Variants in PACRG observed in about 807,000 individuals in gnomAD.
PACRG encodes the protein parkin coregulated gene protein.
A neutral mutation model predicts 29.7 loss-of-function variants in PACRG; 29 were observed. The ratio of observed to expected loss-of-function variants is 0.98; its 90% CI spans 0.73 to 1.33. The LOEUF (loss-of-function observed/expected upper bound fraction) is 1.33, where lower values mean the gene tolerates loss of function less well. PACRG is among the 40% of genes most tolerant of loss of function. PACRG has a pLI of 0.00. For missense variants in PACRG, 279 were observed against 316.2 expected, an observed-to-expected ratio of 0.88 and a Z score of 0.89; for synonymous variants, 116 against 118.7, an observed-to-expected ratio of 0.98 and a Z score of 0.15.
At chr6:162,939,523 A>C (rs1289980643) in intron 2 of PACRG, among the ~76,000 whole-genome samples, 2 of 152,126 alleles carry the variant, frequency 1.3e-5, no homozygotes, top group African/African-American at 2.4e-5. Context: ...ACAGGTAATG[A>C]GGCTTTCTTC....
chr6:162,800,048 T>C (rs1464139360), intron 1 of PACRG, among the ~76,000 whole-genome samples: 2 of 152,202 alleles, frequency 1.3e-5, no homozygotes, highest in African/African-American at 4.8e-5. Flanking sequence ...GCTGTCTCAG[T>C]CATTCAGGCC....
chr6:163,283,664 G>A (rs975962562), intron 4 of PACRG, among the ~76,000 whole-genome samples: 19 of 151,856 alleles, frequency 1.3e-4, no homozygotes, highest in South Asian at 2.1e-4. Flanking sequence ...AGCCGGGCGC[G>A]GTGGCGGGCG....
chr6:163,301,185 A>C (rs1026327152), intron 4 of PACRG, among the ~76,000 whole-genome samples: 1 of 152,242 alleles, frequency 6.6e-6, no homozygotes, highest in Non-Finnish European at 1.5e-5. Context: ...CCAGCAGTCT[A>C]GGGAATGGGC....
Position 163,239,689 on chromosome 6 carries a change from C to T in PACRG, c.614-75138C>T, listed in dbSNP as rs572434989. On this transcript the variant is annotated intron_variant, in intron 4 of 4. Coordinates refer to ENST00000366888, the MANE Select transcript of PACRG (RefSeq NM_001080379.2). ...CACACCCCCCACCCCTACACACACACGCACACTCCCACATACACACACACG... is the reference window on the plus strand; with the variant it reads ...CACACCCCCCACCCCTACACACACATGCACACTCCCACATACACACACACG... Among the ~76,000 whole-genome samples the T allele has an allele frequency of 8.1e-4, 116 of 143,508 alleles. 1 individual carries two copies. The highest frequency in any genetic ancestry group is 1.5e-3 in the Non-Finnish European group (101 of 65,320). 94.1% of individuals were successfully genotyped at this position (143,508 alleles called of 152,430 possible).
intron 2 of PACRG, among the ~76,000 whole-genome samples, chr6:163,041,159 A>C (rs2128237080): frequency 6.6e-6 from 1 of 152,148 alleles, no homozygotes; most frequent in South Asian, 2.1e-4. Context: ...AACATGGTGA[A>C]ACCCCGTCTC....
chr6:162,958,435 CA>C (rs1204481269), intron 2 of PACRG, among the ~76,000 whole-genome samples: 4 of 152,028 alleles, frequency 2.6e-5, no homozygotes, highest in Non-Finnish European at 5.9e-5. Flanking sequence ...CCAAGCATAC[CA>C]GACATATTTT....
chr6:162,920,310 A>G (rs935290612), intron 2 of PACRG, among the ~76,000 whole-genome samples: 3 of 152,192 alleles, frequency 2.0e-5, no homozygotes, highest in Admixed American at 6.5e-5. Flanking sequence ...CTGACAAAAG[A>G]AACAATAGGA....
intron 2 of PACRG, among the ~76,000 whole-genome samples, chr6:163,006,195 A>ATATATATATATCCCATATATATATATATG (rs1805091480): frequency 8.2e-6 from 1 of 121,992 alleles, no homozygotes; most frequent in Non-Finnish European, 1.7e-5. Flanking sequence ...AAACCCATAT[A>ATATATATATATCCCATATATATATATATG]TATATATATA....
intron 4 of PACRG, among the ~76,000 whole-genome samples, chr6:163,199,608 C>G (rs185537119): frequency 2.0e-4 from 30 of 152,290 alleles, no homozygotes; most frequent in Admixed American, 1.4e-3. Context: ...CCCTTAACTG[C>G]CAAGCTTGGC....
At chr6:163,207,824 T>G (rs1780968937) in intron 4 of PACRG, among the ~76,000 whole-genome samples, 1 of 152,228 alleles carries the variant, frequency 6.6e-6, no homozygotes, top group South Asian at 2.1e-4. Context: ...ATCCATAATC[T>G]TATTTTTGCA....
At chr6:162,975,967 A>G (rs1281299400) in intron 2 of PACRG, among the ~76,000 whole-genome samples, 1 of 152,178 alleles carries the variant, frequency 6.6e-6, no homozygotes, top group Non-Finnish European at 1.5e-5. Flanking sequence ...GGCGATTGAC[A>G]GAATGTGCTG....
intron 2 of PACRG, among the ~76,000 whole-genome samples, chr6:162,827,336 C>G (rs1788374106): frequency 6.6e-6 from 1 of 152,138 alleles, no homozygotes; most frequent in African/African-American, 2.4e-5. Context: ...AGCTTCAAAT[C>G]TCAAGCAGCA....
chr6:163,247,228 G>A lies in PACRG; in HGVS notation c.614-67599G>A, dbSNP rs868827703. The stretch of plus-strand genomic sequence containing the variant: ...AGTTTCATAATTCAATGAAAATAAA[G>A]CATTAAAGAAATGCTAGTGTAAATA... On this transcript the variant is annotated intron_variant, in intron 4 of 4. Transcript: ENST00000366888. Among the ~76,000 whole-genome samples, 4 of 152,236 alleles carry A rather than the reference G, an allele frequency of 2.6e-5. No homozygotes were observed. The South Asian group carries it at 8.3e-4, about 32-fold the overall frequency.
rs1783718795 is a variant in PACRG, at chr6:163,269,924, AAGAAAACAAAGAAAG to A, written c.614-44901_614-44887del. Among the ~76,000 whole-genome samples the A allele has an allele frequency of 1.1e-4, 7 of 66,538 alleles. 3 individuals carry two copies. The highest frequency in any genetic ancestry group is 6.0e-4 in the African/African-American group (7 of 11,690). The allele number at this position is 66,538 out of a possible 152,430, so 43.7% of individuals were successfully genotyped here. A position where few individuals can be genotyped will look rare whatever the true frequency, so the allele number is the denominator to read the frequency against. On this transcript the variant is annotated intron_variant, in intron 4 of 4. Transcript: ENST00000366888. Reference sequence around the variant, plus strand: ...AAAGAAAGAAAGAAAGAAAGAAAGAAAGAAAACAAAGAAAGAAAGAAAGAAAGAAAGAAAGAAAGA... The same window carrying A: ...AAAGAAAGAAAGAAAGAAAGAAAGAAAAAGAAAGAAAGAAAGAAAGAAAGA...
At chr6:162,997,309 T>C in intron 2 of PACRG, 1 of 396,132 alleles carries the variant, frequency 2.5e-6, no homozygotes, top group Non-Finnish European at 5.0e-6. Flanking sequence ...ATCTGACATA[T>C]GCTAATGAAA....
At chr6:162,874,758 A>C (rs1000527015) in intron 2 of PACRG, among the ~76,000 whole-genome samples, 5 of 152,128 alleles carry the variant, frequency 3.3e-5, no homozygotes, top group African/African-American at 4.8e-5. Flanking sequence ...ACACACTTAC[A>C]TATACATTCA....
chr6:163,205,160 C>T lies in PACRG; in HGVS notation c.614-109667C>T, dbSNP rs760489540. ...TACTGCCCAAAGCAATTTACAGATT[C>T]GATGCTATTCCAATTAATCTACCAA... On this transcript the variant is annotated intron_variant, in intron 4 of 4. Transcript: ENST00000366888. Among the ~76,000 whole-genome samples the T allele has an allele frequency of 4.3e-4, 65 of 152,206 alleles. 1 individual carries two copies. Among genetic ancestry groups the T allele is most frequent in the East Asian group, 7.7e-4 (4 of 5,176 alleles).
At chr6:163,294,478 TCA>T (rs1337863050) in intron 4 of PACRG, among the ~76,000 whole-genome samples, 5 of 152,186 alleles carry the variant, frequency 3.3e-5, no homozygotes, top group African/African-American at 1.2e-4. Context: ...AATGTTGGTC[TCA>T]GTTTTCCCCA....
chr6:162,750,143 A>G (rs961950181), intron 1 of PACRG, among the ~76,000 whole-genome samples: 1 of 152,172 alleles, frequency 6.6e-6, no homozygotes, highest in African/African-American at 2.4e-5. Flanking sequence ...ACTTAAATTT[A>G]TGTCTGCCTT....
Sources: gnomAD v4.1 joint callset for allele counts (sites outside exome capture counted in the v4.1 genomes callset) on GRCh38, gnomAD v4.1.1 for gene constraint, MANE v1.5 for transcripts, NCBI Gene and HGNC (gene_info 2026-07-23, HGNC 2026-07-21) for gene names.